Variants in RCAN2 observed in about 807,000 individuals in gnomAD.
RCAN2 encodes the protein regulator of calcineurin 2.
Under a neutral mutation model 23.6 loss-of-function variants are expected in RCAN2, and 9 were observed. That is an observed-to-expected ratio of 0.38 (90% CI 0.23 to 0.67). The LOEUF is 0.67. Among genes scored for constraint, RCAN2 ranks in the 30% least tolerant of loss-of-function variants. The pLI, the probability that RCAN2 is intolerant of heterozygous loss-of-function variation, is 0.51. For missense variants in RCAN2, 273 were observed against 302.3 expected (o/e 0.90, Z 0.72); for synonymous variants, 109 against 115.7 (o/e 0.94, Z 0.37).
intron 2 of RCAN2, among the ~76,000 whole-genome samples, chr6:46,397,939 T>G (rs1043614542): frequency 6.6e-6 from 1 of 152,226 alleles, no homozygotes; most frequent in African/African-American, 2.4e-5. Flanking sequence ...TAGACTTATT[T>G]AAGTGCGCTA....
intron 2 of RCAN2, among the ~76,000 whole-genome samples, chr6:46,332,594 A>G (rs1395351054): frequency 6.6e-6 from 1 of 151,980 alleles, no homozygotes; most frequent in Non-Finnish European, 1.5e-5. Flanking sequence ...TTTACTGAGA[A>G]TGATGATTTC....
chr6:46,255,773 C>T (rs377370016), intron 2 of RCAN2, among the ~76,000 whole-genome samples: 1 of 151,960 alleles, frequency 6.6e-6, no homozygotes, highest in South Asian at 2.1e-4. Flanking sequence ...GCAGCATAGA[C>T]AGGAAGAAAA....
intron 2 of RCAN2, among the ~76,000 whole-genome samples, chr6:46,267,649 T>G (rs545587513): frequency 1.1e-4 from 16 of 152,298 alleles, no homozygotes; most frequent in South Asian, 4.1e-4. Context: ...CATGCCAGCC[T>G]GGGGAACAGA....
intron 1 of RCAN2, among the ~76,000 whole-genome samples, chr6:46,483,605 T>G (rs757515102): frequency 5.9e-5 from 9 of 152,218 alleles, no homozygotes; most frequent in African/African-American, 2.2e-4. Context: ...GAGCATCACC[T>G]AAATGTCACC....
intron 2 of RCAN2, among the ~76,000 whole-genome samples, chr6:46,281,838 C>A (rs912461840): frequency 2.3e-5 from 3 of 127,808 alleles, no homozygotes; most frequent in Non-Finnish European, 5.0e-5. Context: ...CCCCATTTTA[C>A]AGATAATGAA....
chr6:46,261,008 G>C (rs1767092558), intron 2 of RCAN2, among the ~76,000 whole-genome samples: 1 of 152,050 alleles, frequency 6.6e-6, no homozygotes, highest in Non-Finnish European at 1.5e-5. Context: ...AACATCAATG[G>C]CTGCCTTGGC....
intron 2 of RCAN2, among the ~76,000 whole-genome samples, chr6:46,453,151 T>A (rs1767927274): frequency 6.6e-6 from 1 of 152,168 alleles, no homozygotes; most frequent in Non-Finnish European, 1.5e-5. Context: ...CCCAGCTGGA[T>A]CCCGAAAGAT....
intron 4 of RCAN2, among the ~76,000 whole-genome samples, chr6:46,231,498 C>T (rs1765887001): frequency 6.6e-6 from 1 of 151,826 alleles, no homozygotes; most frequent in African/African-American, 2.4e-5. Context: ...CAACCTCTGC[C>T]TCCTGGGTTC....
At chr6:46,254,559 G>A (rs1766841914) in intron 2 of RCAN2, among the ~76,000 whole-genome samples, 1 of 152,158 alleles carries the variant, frequency 6.6e-6, no homozygotes, top group Non-Finnish European at 1.5e-5. Flanking sequence ...TGGAAAAAGA[G>A]TTTGGCAATG....
intron 2 of RCAN2, among the ~76,000 whole-genome samples, chr6:46,421,558 G>A (rs757003277): frequency 1.6e-4 from 25 of 152,144 alleles, no homozygotes; most frequent in Non-Finnish European, 3.4e-4. Flanking sequence ...GGGAGATGTC[G>A]CAACTCACAA....
At chr6:46,228,035 C>G (rs1431783509) in intron 4 of RCAN2, among the ~76,000 whole-genome samples, 1 of 152,156 alleles carries the variant, frequency 6.6e-6, no homozygotes, top group Non-Finnish European at 1.5e-5. Flanking sequence ...CTTATGTACC[C>G]AGTAATCATT....
At chr6:46,409,112 G>A (rs1766484152) in intron 2 of RCAN2, among the ~76,000 whole-genome samples, 1 of 151,706 alleles carries the variant, frequency 6.6e-6, no homozygotes, top group South Asian at 2.1e-4. Flanking sequence ...TTTCCCTTAG[G>A]AGTCTTTAGG....
At chr6:46,457,055 T>C (rs1768058409) in intron 1 of RCAN2, 77 bp from the exon 2 acceptor site, 9 of 966,640 alleles carry the variant, frequency 9.3e-6, no homozygotes, top group South Asian at 3.1e-5. Context: ...CAGTTTTGTA[T>C]TGTCAGGGGC....
At chr6:46,320,343 T>C (rs1405120654) in intron 2 of RCAN2, among the ~76,000 whole-genome samples, 1 of 152,130 alleles carries the variant, frequency 6.6e-6, no homozygotes, top group Admixed American at 6.5e-5. Flanking sequence ...CAAAGCAGAG[T>C]ACAAAGTGCA....
At chr6:46,458,891 G>A (rs1445523591) in intron 1 of RCAN2, among the ~76,000 whole-genome samples, 6 of 129,826 alleles carry the variant, frequency 4.6e-5, no homozygotes, top group African/African-American at 1.0e-4. Flanking sequence ...GAAAACGCGC[G>A]CGCACGTGTG....
chr6:46,272,134 A>C (rs1767539712), intron 2 of RCAN2, among the ~76,000 whole-genome samples: 1 of 152,256 alleles, frequency 6.6e-6, no homozygotes. Flanking sequence ...TTTGTCTCTG[A>C]AGCTTGTGCC....
chr6:46,422,410 A>G (rs572588954), intron 2 of RCAN2, among the ~76,000 whole-genome samples: 5 of 152,296 alleles, frequency 3.3e-5, no homozygotes, highest in Admixed American at 2.0e-4. Flanking sequence ...TCAATTATCC[A>G]ACCTCAGGTA....
intron 2 of RCAN2, among the ~76,000 whole-genome samples, chr6:46,448,905 C>T (rs989181036): frequency 2.0e-5 from 3 of 151,646 alleles, no homozygotes; most frequent in Admixed American, 1.3e-4. Context: ...AGATTTTCCT[C>T]TAAGATTAGA....
chr6:46,475,812 T>C (rs979880268), intron 1 of RCAN2, among the ~76,000 whole-genome samples: 1 of 152,200 alleles, frequency 6.6e-6, no homozygotes, highest in Non-Finnish European at 1.5e-5. Flanking sequence ...TACCATGCTC[T>C]TGATAAACAA....
Sources: allele counts gnomAD v4.1 joint callset (sites outside exome capture counted in the v4.1 genomes callset), GRCh38; gene constraint gnomAD v4.1.1; transcripts MANE v1.5; gene names NCBI Gene and HGNC (gene_info 2026-07-23, HGNC 2026-07-21).